The following ZSWIM5 variants were observed in gnomAD, a reference collection of about 807,000 sequenced individuals.
ZSWIM5 encodes zinc finger SWIM-type containing 5.
Under a neutral mutation model 119.6 loss-of-function variants are expected in ZSWIM5, and 55 were observed. The ratio of observed to expected loss-of-function variants is 0.46; its 90% confidence interval spans 0.37 to 0.58. The LOEUF is 0.58. ZSWIM5 is among the 20% of genes least tolerant of loss of function. The pLI, the probability that ZSWIM5 is intolerant of heterozygous loss-of-function variation, is 0.00. For synonymous variants in ZSWIM5, 537 were observed against 606.9 expected (o/e 0.88, Z 1.69); for missense variants, 1,193 against 1,512.8 (o/e 0.79, Z 3.51).
intron 1 of ZSWIM5, among the ~76,000 whole-genome samples, chr1:45,145,568 G>C (rs1003048957): frequency 6.6e-6 from 1 of 151,924 alleles, no homozygotes; most frequent in Admixed American, 6.6e-5. Context: ...CATCTAGAAA[G>C]GTAACACACT....
At chr1:45,192,753 T>C (rs1646099959) in intron 1 of ZSWIM5, among the ~76,000 whole-genome samples, 1 of 152,212 alleles carries the variant, frequency 6.6e-6, no homozygotes, top group African/African-American at 2.4e-5. Flanking sequence ...CTACAAAAGC[T>C]ACACCATTTT....
chr1:45,069,292 G>A (rs1244211055), intron 2 of ZSWIM5, among the ~76,000 whole-genome samples: 1 of 152,066 alleles, frequency 6.6e-6, no homozygotes, highest in African/African-American at 2.4e-5. Flanking sequence ...CGGGCGTGGT[G>A]GTGGGCGCCT....
intron 4 of ZSWIM5, among the ~76,000 whole-genome samples, chr1:45,052,272 C>A (rs1045314952): frequency 2.0e-5 from 3 of 152,110 alleles, no homozygotes; most frequent in African/African-American, 4.8e-5. Flanking sequence ...GTGATCCACT[C>A]GCCTTGGCCT....
At chr1:45,084,984 A>G (rs1323014311) in intron 2 of ZSWIM5, among the ~76,000 whole-genome samples, 1 of 152,218 alleles carries the variant, frequency 6.6e-6, no homozygotes, top group Admixed American at 6.5e-5. Flanking sequence ...TTTCCCCTCC[A>G]CACTGCCCTA....
In ZSWIM5 at chr1:45,043,304, G is replaced by A; in HGVS notation, c.1524C>T (p.Ile508=). 1 of 1,614,176 alleles carries A rather than the reference G, an allele frequency of 6.2e-7. No homozygotes were observed. ...CAGGAGCTGTATAAACATCACTGCTGATTATTCGCTGTAGGTGGCTATCCT... is the reference window on the plus strand; with the variant it reads ...CAGGAGCTGTATAAACATCACTGCTAATTATTCGCTGTAGGTGGCTATCCT... The part of the protein sequence containing the change: ...HWQDSHLQRI[I]SSDVYTAPAC... The change falls in exon 6 of 14, where the codon ATC becomes ATT. Residue 508 remains isoleucine, a synonymous_variant. Coordinates refer to ENST00000359600, the MANE Select transcript of ZSWIM5 (RefSeq NM_020883.2).
At chr1:45,196,055 T>TTTA (rs1646120723) in intron 1 of ZSWIM5, among the ~76,000 whole-genome samples, 1 of 147,564 alleles carries the variant, frequency 6.8e-6, no homozygotes, top group Non-Finnish European at 1.5e-5. Flanking sequence ...TTTTTTTTTT[T>TTTA]TTTAAAGATG....
At chr1:45,192,076 T>A (rs1646096046) in intron 1 of ZSWIM5, among the ~76,000 whole-genome samples, 1 of 152,228 alleles carries the variant, frequency 6.6e-6, no homozygotes, top group Non-Finnish European at 1.5e-5. Context: ...GATTTGCCTA[T>A]TCTGGACATT....
intron 2 of ZSWIM5, among the ~76,000 whole-genome samples, chr1:45,068,193 C>G (rs1300716469): frequency 6.9e-6 from 1 of 145,474 alleles, no homozygotes; most frequent in African/African-American, 2.5e-5. Flanking sequence ...ACCTCCGCCT[C>G]CAGGGTCCAA....
chr1:45,073,013 G>C (rs1328215790), intron 2 of ZSWIM5, among the ~76,000 whole-genome samples: 2 of 151,890 alleles, frequency 1.3e-5, no homozygotes, highest in Non-Finnish European at 1.5e-5. Context: ...AGATTGAGTA[G>C]TATGAATATT....
At chr1:45,195,449 TC>T (rs1646116334) in intron 1 of ZSWIM5, among the ~76,000 whole-genome samples, 1 of 151,946 alleles carries the variant, frequency 6.6e-6, no homozygotes, top group Admixed American at 6.6e-5. Flanking sequence ...CCCAGGCTGT[TC>T]TTGAACTCCT....
chr1:45,138,525 G>A (rs75832995), intron 1 of ZSWIM5, among the ~76,000 whole-genome samples: 53 of 140,808 alleles, frequency 3.8e-4, no homozygotes, highest in East Asian at 3.6e-3. Context: ...AAAAAAAAAA[G>A]AAAGGAAGAA....
chr1:45,155,901 G>A (rs1645824379), intron 1 of ZSWIM5, among the ~76,000 whole-genome samples: 1 of 151,942 alleles, frequency 6.6e-6, no homozygotes, highest in African/African-American at 2.4e-5. Context: ...TGGGAAGTGG[G>A]TGAGGAATAC....
chr1:45,167,635 AC>A (rs1645914433), intron 1 of ZSWIM5, among the ~76,000 whole-genome samples: 1 of 152,108 alleles, frequency 6.6e-6, no homozygotes, highest in African/African-American at 2.4e-5. Context: ...AAGAAAAAAA[AC>A]AAACAACCCC....
At chr1:45,205,689 C>A (rs182591317) in intron 1 of ZSWIM5, 67 bp downstream of exon 1, 1 of 1,398,892 alleles carries the variant, frequency 7.1e-7, no homozygotes, top group Admixed American at 2.3e-5. Flanking sequence ...CCCCAGGGCT[C>A]GGGCCGAGAA....
chr1:45,184,798 C>A (rs1322693649), intron 1 of ZSWIM5, among the ~76,000 whole-genome samples: 3 of 151,918 alleles, frequency 2.0e-5, no homozygotes, highest in Non-Finnish European at 4.4e-5. Flanking sequence ...TAGGAAGAAT[C>A]AATATCATGA....
In ZSWIM5 at chr1:45,034,302, C is replaced by A; in HGVS notation, c.2449+10G>T. The A allele has an allele frequency of 1.9e-6, 3 of 1,591,918 alleles. No homozygotes were observed. Among genetic ancestry groups the A allele is most frequent in the Non-Finnish European group, 2.6e-6 (3 of 1,168,622 alleles). On this transcript the variant is annotated intron_variant, in intron 11 of 13. Transcript: ENST00000359600. ...GGTGATGCTGGAGCTTAAGGTCTATCTATGCTCACCTTTGGCAGCAGTCAG... is the reference window on the plus strand; with the variant it reads ...GGTGATGCTGGAGCTTAAGGTCTATATATGCTCACCTTTGGCAGCAGTCAG...
rs549915193 is a variant in ZSWIM5, at chr1:45,060,140, A to G, written c.1060T>C (p.Tyr354His). Residue 354 changes from tyrosine to histidine, a missense_variant, in exon 3 of 14, where the codon TAC (tyrosine) becomes CAC (histidine). Transcript: ENST00000359600. ...QVKLFLSQGG[Y>H]CGSGKQLNSM... ...TTGAGTTGCTTTCCAGAGCCACAGTAACCGCCCTGGGAGAGAAAAAGCTTC... is the reference window on the plus strand; with the variant it reads ...TTGAGTTGCTTTCCAGAGCCACAGTGACCGCCCTGGGAGAGAAAAAGCTTC... 2 of 1,614,206 alleles carry G rather than the reference A, an allele frequency of 1.2e-6. No homozygotes were observed. Among genetic ancestry groups the G allele is most frequent in the South Asian group, 2.2e-5 (2 of 91,088 alleles).
intron 1 of ZSWIM5, among the ~76,000 whole-genome samples, chr1:45,089,568 T>C (rs1191287981): frequency 6.6e-6 from 1 of 152,236 alleles, no homozygotes; most frequent in Admixed American, 6.5e-5. Context: ...CACTAGCAAA[T>C]GTGACAGACC....
At chr1:45,195,736 T>TAGGTG (rs1189048064) in intron 1 of ZSWIM5, among the ~76,000 whole-genome samples, 2 of 152,074 alleles carry the variant, frequency 1.3e-5, no homozygotes, top group African/African-American at 4.8e-5. Flanking sequence ...TTAATAAAGA[T>TAGGTG]AGGTGAAACA....
Sources: allele counts gnomAD v4.1 joint callset (sites outside exome capture counted in the v4.1 genomes callset), GRCh38; gene constraint gnomAD v4.1.1; transcripts MANE v1.5; gene names NCBI Gene and HGNC (gene_info 2026-07-23, HGNC 2026-07-21).